CDH18: variants seen among roughly 807,000 people sequenced by gnomAD.
The protein encoded by CDH18 is cadherin 18, also known as cadherin-18.
CDH18 carries 31 observed loss-of-function variants against 67.9 expected under a neutral mutation model. The observed-to-expected ratio is 0.46, with a 90% CI of 0.34 to 0.62. The LOEUF is 0.62. Ranked by LOEUF, CDH18 falls within the 20% of genes least tolerant of loss-of-function variation. The pLI is 0.01. For synonymous variants in CDH18, 362 were observed against 347.2 expected, an observed-to-expected ratio of 1.04 and a Z score of -0.48; for missense variants, 890 against 975.5, an observed-to-expected ratio of 0.91 and a Z score of 1.17.
chr5:19,642,198 G>T (rs1030645620), intron 5 of CDH18, among the ~76,000 whole-genome samples: 19 of 151,970 alleles, frequency 1.3e-4, no homozygotes, highest in African/African-American at 4.6e-4. Flanking sequence ...TAAATGGAAA[G>T]ACAGCATATA....
At chr5:20,060,896 G>C (rs567199821) in intron 2 of CDH18, among the ~76,000 whole-genome samples, 5 of 151,244 alleles carry the variant, frequency 3.3e-5, no homozygotes, top group Non-Finnish European at 7.4e-5. Context: ...TTATATGATT[G>C]ACACAAATGA....
chr5:19,994,726 TATATATATATATAG>T (rs1318100969), intron 2 of CDH18, among the ~76,000 whole-genome samples: 7 of 23,436 alleles, frequency 3.0e-4, no homozygotes, highest in Admixed American at 7.9e-4. Context: ...TATATATATA[TATATATATATATAG>T]AGAGAGAGAG....
intron 8 of CDH18, among the ~76,000 whole-genome samples, chr5:19,569,726 T>C (rs1741043923): frequency 6.6e-6 from 1 of 152,148 alleles, no homozygotes; most frequent in Non-Finnish European, 1.5e-5. Flanking sequence ...AATGTACATA[T>C]TGGTACCCAC....
chr5:19,941,506 G>A (rs949721574), intron 2 of CDH18, among the ~76,000 whole-genome samples: 2 of 151,990 alleles, frequency 1.3e-5, no homozygotes, highest in African/African-American at 4.8e-5. Flanking sequence ...CTTGGGCCAG[G>A]TGCCATGGCT....
At chr5:19,703,466 G>T (rs1763534486) in intron 5 of CDH18, among the ~76,000 whole-genome samples, 1 of 152,278 alleles carries the variant, frequency 6.6e-6, no homozygotes, top group South Asian at 2.1e-4. Flanking sequence ...GCCAGCTAAA[G>T]CTAAAGCGGC....
chr5:19,700,260 A>T (rs1763065519), intron 5 of CDH18, among the ~76,000 whole-genome samples: 1 of 152,140 alleles, frequency 6.6e-6, no homozygotes, highest in African/African-American at 2.4e-5. Flanking sequence ...ACCAAACAAC[A>T]TCAATGTGTT....
intron 3 of CDH18, among the ~76,000 whole-genome samples, chr5:19,763,679 G>A (rs1438473533): frequency 1.3e-5 from 2 of 152,084 alleles, no homozygotes; most frequent in Admixed American, 6.6e-5. Flanking sequence ...TTGGAGCAAC[G>A]AAATTGGATG....
At chr5:20,148,289 G>C (rs888578462) in intron 2 of CDH18, among the ~76,000 whole-genome samples, 1 of 151,836 alleles carries the variant, frequency 6.6e-6, no homozygotes, top group Non-Finnish European at 1.5e-5. Flanking sequence ...AATAGAGACA[G>C]GGTTTCACTG....
chr5:19,741,879 A>G (rs1046938488), intron 4 of CDH18, among the ~76,000 whole-genome samples: 3 of 152,158 alleles, frequency 2.0e-5, no homozygotes, highest in Non-Finnish European at 4.4e-5. Context: ...GGTACAGGCC[A>G]TGACTGCTAC....
At chr5:19,622,885 C>A (rs554562579) in intron 5 of CDH18, among the ~76,000 whole-genome samples, 7 of 152,204 alleles carry the variant, frequency 4.6e-5, no homozygotes, top group Non-Finnish European at 1.0e-4. Flanking sequence ...ATTGCCTAGA[C>A]AATCCCTGCT....
intron 2 of CDH18, among the ~76,000 whole-genome samples, chr5:20,139,491 C>G (rs1315469200): frequency 1.3e-5 from 2 of 152,164 alleles, no homozygotes; most frequent in Non-Finnish European, 2.9e-5. Context: ...TAAAGAGCTT[C>G]TGCACAGCAA....
chr5:20,125,628 C>A (rs1748757139), intron 2 of CDH18, among the ~76,000 whole-genome samples: 1 of 152,082 alleles, frequency 6.6e-6, no homozygotes, highest in South Asian at 2.1e-4. Flanking sequence ...CAGAACATTT[C>A]CATTGAAAAT....
Position 19,483,312 on chromosome 5 carries a change from A to G in CDH18, c.1871T>C (p.Leu624Pro). ...GALIAILLCV[L>P]ILLAIVVLFI... ...TTAGAATGACTTACCCAGGAGAATG[A>G]GAACACAGAGAAGAATAGCGATTAA... is the stretch of plus-strand genomic sequence containing the variant. Residue 624 changes from leucine (L) to proline (P), a missense_variant, in exon 12 of 13, where the codon CTC becomes CCC. Around this residue, in one of 2 missense-constraint regions of CDH18, gnomAD observed 656 missense variants for 668.1 expected, o/e 0.98. Coordinates refer to ENST00000382275, the MANE Select transcript of CDH18 (RefSeq NM_004934.5). 1.9e-6 allele frequency: 3 copies of G among 1,612,982 alleles called. No homozygotes were observed. The highest frequency in any genetic ancestry group is 2.5e-6 in the Non-Finnish European group (3 of 1,179,406).
intron 1 of CDH18, chr5:20,304,039 G>C (rs556340879): frequency 6.5e-7 from 1 of 1,535,394 alleles, no homozygotes; most frequent in Non-Finnish European, 9.0e-7. Flanking sequence ...AGCCGACTTC[G>C]CGTGTTCAGG....
At chr5:19,747,584 T>A (rs1359157740) in intron 3 of CDH18, among the ~76,000 whole-genome samples, 1 of 152,162 alleles carries the variant, frequency 6.6e-6, no homozygotes, top group African/African-American at 2.4e-5. Context: ...TATTGTTGCC[T>A]TCCATACTTG....
chr5:19,937,706 TA>T (rs1212904036), intron 2 of CDH18, among the ~76,000 whole-genome samples: 39 of 151,220 alleles, frequency 2.6e-4, no homozygotes, highest in African/African-American at 9.0e-4. Context: ...TATATGTACA[TA>T]TTTTTTTTCA....
intron 5 of CDH18, among the ~76,000 whole-genome samples, chr5:19,652,510 G>C (rs999199382): frequency 1.3e-5 from 2 of 151,646 alleles, no homozygotes; most frequent in African/African-American, 4.8e-5. Context: ...AGGAATATTA[G>C]AGCAAAAAGA....
At chr5:20,267,272 G>C (rs1043358176) in intron 1 of CDH18, among the ~76,000 whole-genome samples, 1 of 152,036 alleles carries the variant, frequency 6.6e-6, no homozygotes, top group African/African-American at 2.4e-5. Flanking sequence ...TGGATTCTCT[G>C]TTTTGTTCCA....
chr5:20,512,231 A>G (rs1755081874), intron 1 of CDH18, among the ~76,000 whole-genome samples: 1 of 152,118 alleles, frequency 6.6e-6, no homozygotes, highest in African/African-American at 2.4e-5. Context: ...TCAAAAAAAT[A>G]AAAAAATAAA....
Sources: gnomAD v4.1 joint callset for allele counts (sites outside exome capture counted in the v4.1 genomes callset) on GRCh38, gnomAD v4.1.1 for gene constraint, gnomAD v4.1.1 regional missense constraint, MANE v1.5 for transcripts, NCBI Gene and HGNC (gene_info 2026-07-23, HGNC 2026-07-21) for gene names.